CNTNAP2: variants seen among roughly 807,000 people sequenced by gnomAD.
CNTNAP2 encodes the protein contactin-associated protein-like 2.
Under a neutral mutation model 155.2 loss-of-function variants are expected in CNTNAP2, and 98 were observed. The observed-to-expected ratio is 0.63, with a 90% CI of 0.54 to 0.75. CNTNAP2 has a LOEUF of 0.75. CNTNAP2 is among the 30% of genes least tolerant of loss of function. The probability of loss-of-function intolerance (pLI) is 0.00; values close to 1 mark genes in which losing one functional copy is unlikely to be tolerated. For missense variants in CNTNAP2, 1,727 were observed against 1,688.1 expected (o/e 1.02, Z -0.40); for synonymous variants, 651 against 631.2 (o/e 1.03, Z -0.47).
chr7:146,218,405 A>T (rs1371795827), intron 1 of CNTNAP2, among the ~76,000 whole-genome samples: 1 of 152,058 alleles, frequency 6.6e-6, no homozygotes, highest in African/African-American at 2.4e-5. Context: ...GCTACTCGGG[A>T]GGCTGAGGCA....
At chr7:147,470,360 T>G (rs1385737438) in intron 10 of CNTNAP2, among the ~76,000 whole-genome samples, 1 of 150,516 alleles carries the variant, frequency 6.6e-6, no homozygotes, top group Non-Finnish European at 1.5e-5. Flanking sequence ...TGTCTTGGAT[T>G]AGGGTAATAG....
chr7:146,820,655 G>A (rs1383825146), intron 2 of CNTNAP2, among the ~76,000 whole-genome samples: 2 of 152,096 alleles, frequency 1.3e-5, no homozygotes, highest in African/African-American at 4.8e-5. Flanking sequence ...GATTTGGGGT[G>A]GAGAGTTCTG....
chr7:147,920,185 G>A (rs975140204), intron 14 of CNTNAP2, among the ~76,000 whole-genome samples: 1 of 151,260 alleles, frequency 6.6e-6, no homozygotes, highest in Non-Finnish European at 1.5e-5. Context: ...GGTAAAACCC[G>A]TCTCTACTAA....
chr7:146,337,718 C>T (rs1044209537), intron 1 of CNTNAP2, among the ~76,000 whole-genome samples: 1 of 152,156 alleles, frequency 6.6e-6, no homozygotes, highest in Admixed American at 6.5e-5. Flanking sequence ...GGTTCTCCTG[C>T]TTTCCAGCCT....
chr7:147,767,791 T>C (rs1038058120), intron 13 of CNTNAP2, among the ~76,000 whole-genome samples: 3 of 152,060 alleles, frequency 2.0e-5, no homozygotes, highest in Admixed American at 6.6e-5. Context: ...ACAAAGGCTT[T>C]CTTACAGGAA....
At chr7:148,019,305 G>C (rs1217717498) in intron 15 of CNTNAP2, among the ~76,000 whole-genome samples, 1 of 152,152 alleles carries the variant, frequency 6.6e-6, no homozygotes, top group Non-Finnish European at 1.5e-5. Context: ...ATGGGATCCA[G>C]GACCTGGACC....
chr7:148,306,329 G>T (rs113997970), intron 21 of CNTNAP2, among the ~76,000 whole-genome samples: 9 of 152,210 alleles, frequency 5.9e-5, no homozygotes, highest in African/African-American at 2.2e-4. Flanking sequence ...AACACACATG[G>T]GGCCTTTTAA....
chr7:146,820,027 A>C (rs768813820), intron 2 of CNTNAP2, among the ~76,000 whole-genome samples: 1 of 152,212 alleles, frequency 6.6e-6, no homozygotes, highest in African/African-American at 2.4e-5. Flanking sequence ...TCACCAAATA[A>C]AACAATGTTT....
At chr7:147,880,983 A>G (rs575078063) in intron 13 of CNTNAP2, among the ~76,000 whole-genome samples, 3 of 152,004 alleles carry the variant, frequency 2.0e-5, no homozygotes, top group Non-Finnish European at 4.4e-5. Flanking sequence ...TCCTGAGAAG[A>G]TGGAGAAAGG....
At chr7:146,875,194 T>C (rs915276910) in intron 3 of CNTNAP2, among the ~76,000 whole-genome samples, 1 of 152,144 alleles carries the variant, frequency 6.6e-6, no homozygotes, top group Non-Finnish European at 1.5e-5. Context: ...GTAAGTGGCA[T>C]TTTGTTATAC....
chr7:146,680,067 T>C (rs1301223482), intron 1 of CNTNAP2, among the ~76,000 whole-genome samples: 1 of 152,162 alleles, frequency 6.6e-6, no homozygotes, highest in Non-Finnish European at 1.5e-5. Flanking sequence ...ACTTCTAAAA[T>C]GTAGCGGATT....
Position 146,682,388 on chromosome 7 carries a change from C to A in CNTNAP2, c.98-91883C>A, listed in dbSNP as rs888400255. On this transcript the variant is annotated intron_variant, in intron 1 of 23. Transcript: ENST00000361727. Reference sequence around the variant, plus strand: ...TGCTCAATAGTTAAGAGGTTTGGAACCGTTTATAGTAAGGACCATGCTATC... The same window carrying A: ...TGCTCAATAGTTAAGAGGTTTGGAAACGTTTATAGTAAGGACCATGCTATC... Among the ~76,000 whole-genome samples, 5 of 152,022 alleles carry A rather than the reference C, an allele frequency of 3.3e-5. No homozygotes were observed. The East Asian group carries it at 9.6e-4, about 29-fold the overall frequency.
intron 1 of CNTNAP2, among the ~76,000 whole-genome samples, chr7:146,597,050 A>G (rs1798872969): frequency 6.6e-6 from 1 of 152,086 alleles, no homozygotes; most frequent in Admixed American, 6.6e-5. Flanking sequence ...GAAAAAAGGC[A>G]TACATCCCTT....
chr7:146,164,237 A>G (rs1390997592), intron 1 of CNTNAP2, among the ~76,000 whole-genome samples: 3 of 150,834 alleles, frequency 2.0e-5, no homozygotes, highest in Non-Finnish European at 4.4e-5. Context: ...CCTATTAAAT[A>G]TGTTCTAAGA....
At chr7:147,877,296 T>C (rs1393969325) in intron 13 of CNTNAP2, among the ~76,000 whole-genome samples, 1 of 152,170 alleles carries the variant, frequency 6.6e-6, no homozygotes, top group Admixed American at 6.5e-5. Flanking sequence ...TCCTTCTTTC[T>C]CAGGTCTCAG....
At chr7:148,005,197 G>A (rs888949086) in intron 15 of CNTNAP2, among the ~76,000 whole-genome samples, 2 of 152,128 alleles carry the variant, frequency 1.3e-5, no homozygotes, top group African/African-American at 4.8e-5. Flanking sequence ...CACTCGTCTC[G>A]GTAGCAGTCT....
intron 1 of CNTNAP2, among the ~76,000 whole-genome samples, chr7:146,126,532 A>G (rs1797640631): frequency 6.6e-6 from 1 of 152,192 alleles, no homozygotes; most frequent in Non-Finnish European, 1.5e-5. Context: ...CATGTAGTGA[A>G]AACATTTATT....
chr7:147,379,371 A>T (rs1298459556), intron 9 of CNTNAP2, among the ~76,000 whole-genome samples: 1 of 152,040 alleles, frequency 6.6e-6, no homozygotes, highest in Admixed American at 6.6e-5. Flanking sequence ...TTTCTGCTGA[A>T]TTCTGTTCAT....
At chr7:147,507,126 T>A (rs1362080029) in intron 11 of CNTNAP2, among the ~76,000 whole-genome samples, 2 of 152,058 alleles carry the variant, frequency 1.3e-5, no homozygotes, top group Non-Finnish European at 2.9e-5. Context: ...TTTTCCTGGG[T>A]TTCCCAGGAC....
Sources: allele counts gnomAD v4.1 joint callset (sites outside exome capture counted in the v4.1 genomes callset), GRCh38; gene constraint gnomAD v4.1.1; transcripts MANE v1.5; gene names NCBI Gene and HGNC (gene_info 2026-07-23, HGNC 2026-07-21).